Variants in BORCS8 observed in about 807,000 individuals in gnomAD.
BORCS8 encodes BLOC-1-related complex subunit 8.
A neutral mutation model predicts 18.7 loss-of-function variants in BORCS8; 13 were observed. The observed-to-expected ratio is 0.70, with a 90% CI of 0.45 to 1.11. The LOEUF is 1.11. Ranked by LOEUF, BORCS8 falls within the 50% of genes least tolerant of loss-of-function variation. BORCS8 has a pLI of 0.00. For missense variants in BORCS8, 165 were observed against 165.7 expected, an observed-to-expected ratio of 1.00 and a Z score of 0.02; for synonymous variants, 68 against 64.8, an observed-to-expected ratio of 1.05 and a Z score of -0.24.
chr19:19,191,118 C>A (rs751844348), intron 1 of BORCS8, among the ~76,000 whole-genome samples: 8 of 151,924 alleles, frequency 5.3e-5, no homozygotes, highest in Non-Finnish European at 1.2e-4. Flanking sequence ...TTTGGGAGGC[C>A]AAGGTGGGTG....
At chr19:19,181,949 C>A (rs1242287663) in intron 4 of BORCS8, 1 of 985,364 alleles carries the variant, frequency 1.0e-6, no homozygotes, top group Non-Finnish European at 1.2e-6. Context: ...TTCAAAAATT[C>A]TCTTTCCAAT....
intron 3 of BORCS8, among the ~76,000 whole-genome samples, chr19:19,183,165 C>T (rs1160023811): frequency 2.6e-5 from 4 of 152,170 alleles, no homozygotes; most frequent in African/African-American, 4.8e-5. Flanking sequence ...TCCCAGCACT[C>T]TGGGAGGCTG....
chr19:19,191,335 T>G, intron 1 of BORCS8, among the ~76,000 whole-genome samples: 1 of 144,546 alleles, frequency 6.9e-6, no homozygotes, highest in East Asian at 2.0e-4. Flanking sequence ...AAAAAAAAAA[T>G]TAAAGAATTA....
At chr19:19,184,207 G>T (rs1438690776) in intron 3 of BORCS8, among the ~76,000 whole-genome samples, 1 of 151,408 alleles carries the variant, frequency 6.6e-6, no homozygotes, top group Non-Finnish European at 1.5e-5. Context: ...AAATTGAAGT[G>T]TGCTTAGCCA....
Position 19,189,736 on chromosome 19 carries a change from C to T in BORCS8, c.37+2345G>A, listed in dbSNP as rs538411973. ...TTCAAGACCAGCCTGGGAGACATGG[C>T]GAAACCCCACCTCTATAAAAAATTG... On this transcript the variant is annotated intron_variant, in intron 1 of 5. Coordinates refer to ENST00000462790, the MANE Select transcript of BORCS8 (RefSeq NM_001145784.2). Among the ~76,000 whole-genome samples, 6 of 152,124 alleles carry T rather than the reference C, an allele frequency of 3.9e-5. No individual in the cohort carries two copies. In the South Asian group the frequency reaches 8.3e-4, roughly 21 times the overall value.
chr19:19,186,765 C>G (rs934972606), intron 2 of BORCS8, 128 bp downstream of exon 2: 3 of 622,166 alleles, frequency 4.8e-6, no homozygotes, highest in Non-Finnish European at 8.2e-6. Context: ...CCATCTCCTT[C>G]AAAATCTATC....
chr19:19,189,497 T>C (rs896105120), intron 1 of BORCS8, among the ~76,000 whole-genome samples: 7 of 152,206 alleles, frequency 4.6e-5, no homozygotes, highest in Non-Finnish European at 2.9e-5. Flanking sequence ...TTTCTTGCCC[T>C]GCATGTTCTG....
At chr19:19,184,148 T>C (rs528895348) in intron 3 of BORCS8, among the ~76,000 whole-genome samples, 2 of 152,222 alleles carry the variant, frequency 1.3e-5, no homozygotes, top group East Asian at 3.9e-4. Context: ...CCCAAAGTGC[T>C]GGGATTACTG....
chr19:19,185,711 A>AT (rs1320979864), intron 3 of BORCS8, among the ~76,000 whole-genome samples: 1 of 152,214 alleles, frequency 6.6e-6, no homozygotes, highest in Non-Finnish European at 1.5e-5. Context: ...ATAAACAGCC[A>AT]TATCTGTGCT....
intron 2 of BORCS8, 65 bp downstream of exon 2, chr19:19,186,828 G>A (rs1164065072): frequency 1.9e-5 from 23 of 1,211,986 alleles, no homozygotes; most frequent in Admixed American, 2.7e-5. Context: ...ATGCCTCCTT[G>A]CTGGTGTCCC....
intron 3 of BORCS8, 141 bp downstream of exon 3, chr19:19,185,893 T>TC: frequency 1.3e-6 from 1 of 795,052 alleles, no homozygotes; most frequent in South Asian, 1.7e-5. Flanking sequence ...GCCAAGTGAA[T>TC]CGTGGTACAG....
In BORCS8 at chr19:19,182,111, C is replaced by T. The variant is rs1053042382; in HGVS notation, c.326+462G>A. On this transcript the variant is annotated intron_variant, in intron 4 of 5. Coordinates refer to ENST00000462790, the MANE Select transcript of BORCS8 (RefSeq NM_001145784.2). This position sits in a 1 kb window ranked among gnomAD's most constrained non-coding sequence, Gnocchi z 4.1. ...CCGGCTCCAGCCACAGAAGCCTTCTCGGTGCTTCTCGAACACTCCCAGGGA... is the reference window on the plus strand; with the variant it reads ...CCGGCTCCAGCCACAGAAGCCTTCTTGGTGCTTCTCGAACACTCCCAGGGA... The T allele has an allele frequency of 2.0e-5, 18 of 912,996 alleles. No individual in the cohort carries two copies. Among genetic ancestry groups the T allele is most frequent in the African/African-American group, 1.6e-4 (9 of 55,706 alleles). The allele number at this position is 912,996 out of a possible 1,614,324, so 56.6% of individuals were successfully genotyped here. A position where few individuals can be genotyped will look rare whatever the true frequency, so the allele number is the denominator to read the frequency against.
intron 1 of BORCS8, among the ~76,000 whole-genome samples, chr19:19,190,978 C>A (rs2060465675): frequency 6.6e-6 from 1 of 152,138 alleles, no homozygotes; most frequent in African/African-American, 2.4e-5. Context: ...ACACGAAGCA[C>A]TTCTTTGAAT....
At chr19:19,186,505 C>T (rs949259347) in intron 2 of BORCS8, among the ~76,000 whole-genome samples, 12 of 152,220 alleles carry the variant, frequency 7.9e-5, no homozygotes, top group Admixed American at 5.2e-4. Context: ...TCCTGTTCTC[C>T]TGATAAGTGA....
At chr19:19,188,477 C>T (rs2060432996) in intron 1 of BORCS8, among the ~76,000 whole-genome samples, 1 of 151,976 alleles carries the variant, frequency 6.6e-6, no homozygotes, top group Non-Finnish European at 1.5e-5. Flanking sequence ...CTCTTCTCAT[C>T]TTTCCCTCCC....
chr19:19,192,047 G>T, intron 1 of BORCS8, 34 bp downstream of exon 1: 1 of 1,550,100 alleles, frequency 6.5e-7, no homozygotes. Context: ...ACAAGTTACC[G>T]GCCCCCTCTG....
In BORCS8 at chr19:19,182,652, A is replaced by G; in HGVS notation, c.247T>C (p.Tyr83His). The G allele has an allele frequency of 6.4e-7, 1 of 1,551,104 alleles. No homozygotes were observed. Among genetic ancestry groups the G allele is most frequent in the Non-Finnish European group, 8.7e-7 (1 of 1,146,862 alleles). The change falls in exon 4 of 6, where the codon TAC (tyrosine) becomes CAC (histidine). Residue 83 changes from tyrosine to histidine, a missense_variant. Tyr to His is a moderately conservative substitution (Grantham distance 83). Coordinates refer to ENST00000462790, the MANE Select transcript of BORCS8 (RefSeq NM_001145784.2). This position sits in a 1 kb window ranked among gnomAD's most constrained non-coding sequence, Gnocchi z 4.1. ...AGCAGACCCTCCACGCTGCGGAAGT[A>G]GACGCTGCTGTCCACCAGGTTCTTC... ...AVKNLVDSSVYFRSVEGLLKQ... is the reference protein window; with the variant it reads ...AVKNLVDSSVHFRSVEGLLKQ...
In BORCS8 at chr19:19,182,337, C is replaced by T. The variant is rs559478120; in HGVS notation, c.326+236G>A. Reference sequence around the variant, plus strand: ...CTTGTGAGCCTGTCTGTCTCGGTCACTGCTATGTCCCCAGTGCCCAGCCCA... The same window carrying T: ...CTTGTGAGCCTGTCTGTCTCGGTCATTGCTATGTCCCCAGTGCCCAGCCCA... On this transcript the variant is annotated intron_variant, in intron 4 of 5. Transcript: ENST00000462790. This position sits in a 1 kb window ranked among gnomAD's most constrained non-coding sequence, Gnocchi z 4.1. 8.1e-6 allele frequency: 9 copies of T among 1,107,928 alleles called. No homozygotes were observed. The highest frequency in any genetic ancestry group is 6.5e-5 in the South Asian group (3 of 46,190). The allele number at this position is 1,107,928 out of a possible 1,614,324, so 68.6% of individuals were successfully genotyped here. A position where few individuals can be genotyped will look rare whatever the true frequency, so the allele number is the denominator to read the frequency against.
intron 1 of BORCS8, 122 bp from the exon 2 acceptor site, chr19:19,187,127 T>C (rs186009328): frequency 2.9e-6 from 2 of 693,668 alleles, no homozygotes; most frequent in East Asian, 2.8e-5. Flanking sequence ...CGCAGCTAGG[T>C]CACTCCTGGC....
Sources: allele counts gnomAD v4.1 joint callset (sites outside exome capture counted in the v4.1 genomes callset), GRCh38; gene constraint gnomAD v4.1.1; non-coding constraint Gnocchi (gnomAD v3.1); transcripts MANE v1.5; gene names NCBI Gene and HGNC (gene_info 2026-07-23, HGNC 2026-07-21).